Variants in NRXN3 observed in about 807,000 individuals in gnomAD.
The protein encoded by NRXN3 is neurexin III.
Under a neutral mutation model 137.6 loss-of-function variants are expected in NRXN3, and 32 were observed. That is an observed-to-expected ratio of 0.23 (90% CI 0.18 to 0.31). The LOEUF is 0.31. Among genes scored for constraint, NRXN3 ranks in the 10% least tolerant of loss-of-function variants. NRXN3 has a pLI of 1.00. For missense variants in NRXN3, 1,574 were observed against 2,062.5 expected, an observed-to-expected ratio of 0.76 and a Z score of 4.59; for synonymous variants, 798 against 784.5, an observed-to-expected ratio of 1.02 and a Z score of -0.29.
chr14:79,480,338 A>G (rs2096596035), intron 16 of NRXN3, among the ~76,000 whole-genome samples: 1 of 152,306 alleles, frequency 6.6e-6, no homozygotes, highest in East Asian at 1.9e-4. Context: ...ATGGCTAAAC[A>G]GCAAAGCTTA....
intron 1 of NRXN3, among the ~76,000 whole-genome samples, chr14:78,225,019 G>A (rs2064354796): frequency 6.6e-6 from 1 of 152,070 alleles, no homozygotes; most frequent in South Asian, 2.1e-4. Context: ...ACCTGCCTCG[G>A]CCTCCCAAAG....
chr14:78,959,174 G>A (rs1290152493), intron 11 of NRXN3, among the ~76,000 whole-genome samples: 1 of 152,168 alleles, frequency 6.6e-6, no homozygotes, highest in East Asian at 1.9e-4. Flanking sequence ...GAGAAGGATA[G>A]CCTGTGGATT....
At chr14:79,407,629 A>G (rs1315527159) in intron 15 of NRXN3, among the ~76,000 whole-genome samples, 1 of 152,128 alleles carries the variant, frequency 6.6e-6, no homozygotes, top group African/African-American at 2.4e-5. Context: ...AATGTCCTTA[A>G]GATTAGCTGT....
intron 4 of NRXN3, among the ~76,000 whole-genome samples, chr14:78,324,191 A>G (rs921293791): frequency 1.3e-5 from 2 of 152,096 alleles, no homozygotes; most frequent in East Asian, 1.9e-4. Flanking sequence ...CATCTGTATT[A>G]TGGGGATAAA....
At chr14:78,557,442 CT>C (rs2096749620) in intron 4 of NRXN3, among the ~76,000 whole-genome samples, 2 of 152,156 alleles carry the variant, frequency 1.3e-5, no homozygotes. Context: ...CATAGTAACT[CT>C]AACATTAATA....
At position 78,895,931 on chromosome 14, in the gene NRXN3, G is replaced by T. The variant is rs1166828686; in HGVS notation, c.2276-61311G>T. ...GGACATGATTTGTGTTGCCTTCAAA[G>T]AATTACAATAATGACATCAAAGATC... On this transcript the variant is annotated intron_variant, in intron 10 of 20. Transcript: ENST00000335750. Among the ~76,000 whole-genome samples, 3 of 151,744 alleles carry T rather than the reference G, an allele frequency of 2.0e-5. No homozygotes were observed. In the East Asian group the frequency reaches 5.8e-4, roughly 29 times the overall value.
intron 4 of NRXN3, among the ~76,000 whole-genome samples, chr14:78,557,010 C>T (rs2096744861): frequency 8.3e-6 from 1 of 120,798 alleles, no homozygotes; most frequent in South Asian, 3.5e-4. Flanking sequence ...CTCTTCTCTT[C>T]CCTCTCTCCT....
chr14:79,508,053 CAT>C (rs539653692), intron 16 of NRXN3, among the ~76,000 whole-genome samples: 209 of 152,204 alleles, frequency 1.4e-3, no homozygotes, highest in African/African-American at 4.9e-3. Flanking sequence ...GATTTGAACT[CAT>C]ATCTATTTGG....
At chr14:79,712,030 C>T (rs778625972) in intron 19 of NRXN3, among the ~76,000 whole-genome samples, 15 of 152,236 alleles carry the variant, frequency 9.9e-5, no homozygotes, top group African/African-American at 2.2e-4. Flanking sequence ...AACACGATAC[C>T]GGGCCTCAGA....
chr14:78,883,495 A>G (rs1314627315), intron 10 of NRXN3, among the ~76,000 whole-genome samples: 2 of 152,240 alleles, frequency 1.3e-5, no homozygotes, highest in Non-Finnish European at 2.9e-5. Context: ...GAGTAAAGTC[A>G]GGCTGGGAAA....
chr14:78,876,133 C>A (rs577682270), intron 10 of NRXN3, among the ~76,000 whole-genome samples: 1 of 152,260 alleles, frequency 6.6e-6, no homozygotes, highest in East Asian at 1.9e-4. Context: ...ATTAAATCAG[C>A]AAAGCCTGGT....
At chr14:78,339,789 G>C (rs984797904) in intron 4 of NRXN3, among the ~76,000 whole-genome samples, 1 of 152,228 alleles carries the variant, frequency 6.6e-6, no homozygotes. Context: ...TTCTTAAAGA[G>C]GATTCTAAGA....
intron 16 of NRXN3, among the ~76,000 whole-genome samples, chr14:79,583,448 T>A (rs221421): frequency 1.3e-5 from 2 of 151,880 alleles, no homozygotes; most frequent in Admixed American, 1.3e-4. Flanking sequence ...ACTTTTTTTT[T>A]ATATTTGTTG....
chr14:78,238,922 A>G (rs1191520299), intron 1 of NRXN3, among the ~76,000 whole-genome samples: 1 of 152,234 alleles, frequency 6.6e-6, no homozygotes, highest in African/African-American at 2.4e-5. Flanking sequence ...CCACAAGGGA[A>G]TGTTTCTGGG....
intron 16 of NRXN3, among the ~76,000 whole-genome samples, chr14:79,608,774 A>C (rs1375873100): frequency 6.6e-6 from 1 of 151,872 alleles, no homozygotes. Flanking sequence ...ACCTGTCCCC[A>C]TTTGTTGATT....
chr14:79,667,546 C>CTCTT (rs1212064429), intron 17 of NRXN3, among the ~76,000 whole-genome samples: 1 of 151,870 alleles, frequency 6.6e-6, no homozygotes, highest in Non-Finnish European at 1.5e-5. Context: ...GTAGCACTGG[C>CTCTT]TCTTTCTTTG....
chr14:79,449,247 T>C (rs76793665), intron 15 of NRXN3, among the ~76,000 whole-genome samples: 1 of 152,332 alleles, frequency 6.6e-6, no homozygotes, highest in East Asian at 1.9e-4. Context: ...TCTTTTCTGC[T>C]GCACAGTGCT....
At chr14:78,419,764 G>A (rs1446595715) in intron 4 of NRXN3, among the ~76,000 whole-genome samples, 1 of 152,134 alleles carries the variant, frequency 6.6e-6, no homozygotes, top group Non-Finnish European at 1.5e-5. Context: ...ACTGGGTGAA[G>A]GGGAGCCTGT....
At chr14:78,586,392 A>G (rs1179373776) in intron 4 of NRXN3, among the ~76,000 whole-genome samples, 3 of 152,222 alleles carry the variant, frequency 2.0e-5, no homozygotes, top group Non-Finnish European at 2.9e-5. Flanking sequence ...GTTTGAACAC[A>G]CAGCATTAGA....
Sources: allele counts gnomAD v4.1 joint callset (sites outside exome capture counted in the v4.1 genomes callset), GRCh38; gene constraint gnomAD v4.1.1; transcripts MANE v1.5; gene names NCBI Gene and HGNC (gene_info 2026-07-23, HGNC 2026-07-21).